The following SCN1A variants were observed in gnomAD, a reference collection of about 807,000 sequenced individuals.
SCN1A encodes the protein sodium voltage-gated channel alpha subunit 1.
A neutral mutation model predicts 193.7 loss-of-function variants in SCN1A; 13 were observed. The ratio of observed to expected loss-of-function variants is 0.07; its 90% CI spans 0.04 to 0.11. SCN1A has a LOEUF of 0.11. Among genes scored for constraint, SCN1A ranks in the 10% least tolerant of loss-of-function variants. SCN1A has a pLI of 1.00. For missense variants in SCN1A, 1,432 were observed against 2,451.1 expected (o/e 0.58, Z 8.78); for synonymous variants, 781 against 843.6 (o/e 0.93, Z 1.29).
At position 166,048,911 on chromosome 2, in the gene SCN1A, G is replaced by C; in HGVS notation, c.1003C>G (p.Leu335Val). The part of the protein sequence containing the change: ...YFLEGFLDAL[L>V]CGNSSDAGQC... The stretch of plus-strand genomic sequence containing the variant: ...CCTGCATCAGAGCTATTTCCACATA[G>C]TAGTGCATCTAAAAAACCCTCCAGG... The change falls in exon 10 of 29, where the codon CTA becomes GTA. Residue 335 changes from leucine to valine, a missense_variant. Leu to Val is a conservative substitution (Grantham distance 32). Coordinates refer to ENST00000674923, the MANE Select transcript of SCN1A (RefSeq NM_001165963.4). 2 of 1,606,360 alleles carry C rather than the reference G, an allele frequency of 1.2e-6. No individual in the cohort carries two copies. The highest frequency in any genetic ancestry group is 1.7e-6 in the Non-Finnish European group (2 of 1,173,640).
intron 12 of SCN1A, among the ~76,000 whole-genome samples, chr2:166,046,080 C>T (rs895132963): frequency 6.6e-5 from 10 of 152,088 alleles, no homozygotes; most frequent in African/African-American, 2.4e-4. Flanking sequence ...ATTAATTACT[C>T]TTGCATATAA....
intron 25 of SCN1A, 134 bp downstream of exon 25, chr2:165,999,589 T>C (rs1690547331): frequency 2.8e-6 from 2 of 716,850 alleles, no homozygotes; most frequent in Non-Finnish European, 5.0e-6. Context: ...TGCTTGAATA[T>C]TTACCTGTCA....
chr2:166,023,062 A>C (rs539574122), intron 19 of SCN1A, among the ~76,000 whole-genome samples: 4 of 152,222 alleles, frequency 2.6e-5, no homozygotes, highest in Non-Finnish European at 4.4e-5. Flanking sequence ...GCTCTTTTTA[A>C]ATTCAACATG....
Position 166,015,738 on chromosome 2 carries a change from G to A in SCN1A, c.3430-11C>T. On this transcript the variant is annotated splice_polypyrimidine_tract_variant and intron_variant, in intron 19 of 28. Coordinates refer to ENST00000674923, the MANE Select transcript of SCN1A (RefSeq NM_001165963.4). ...GCTTTCATTCAGTTTCTGTAAGTGAGATGGACATAGAAAGTAAAGTCCTTT... is the reference window on the plus strand; with the variant it reads ...GCTTTCATTCAGTTTCTGTAAGTGAAATGGACATAGAAAGTAAAGTCCTTT... 1 of 1,612,370 alleles carries A rather than the reference G, an allele frequency of 6.2e-7. No individual in the cohort carries two copies. Among genetic ancestry groups the A allele is most frequent in the Non-Finnish European group, 8.5e-7 (1 of 1,178,640 alleles).
At chr2:166,030,360 A>G (rs1270389845) in intron 19 of SCN1A, among the ~76,000 whole-genome samples, 1 of 151,614 alleles carries the variant, frequency 6.6e-6, no homozygotes, top group Non-Finnish European at 1.5e-5. Context: ...TACTTTGTCC[A>G]TGGTGAACAT....
At chr2:166,146,033 A>C (rs976889500) in intron 1 of SCN1A, among the ~76,000 whole-genome samples, 10 of 152,314 alleles carry the variant, frequency 6.6e-5, no homozygotes, top group African/African-American at 2.4e-4. Context: ...AATTTATTAA[A>C]TTGAAAAGGT....
intron 19 of SCN1A, among the ~76,000 whole-genome samples, chr2:166,034,299 TGGA>T (rs1426612534): frequency 6.6e-6 from 1 of 152,156 alleles, no homozygotes; most frequent in Non-Finnish European, 1.5e-5. Context: ...CTCCTAAAAG[TGGA>T]GGCTGACCTA....
chr2:166,039,333 TG>T lies in SCN1A; in HGVS notation c.2589+89del, dbSNP rs1053985975. ...CAGAAAAACTTACAATGCTAATGGT[TG>T]TGTGGCAAAAAAACTATGACATTGC... On this transcript the variant is annotated intron_variant, in intron 17 of 28. Coordinates refer to ENST00000674923, the MANE Select transcript of SCN1A (RefSeq NM_001165963.4). 4 of 1,321,836 alleles carry T rather than the reference TG, an allele frequency of 3.0e-6. No individual in the cohort carries two copies. The African/African-American group carries it at 5.9e-5, about 19-fold the overall frequency. 81.9% of individuals were successfully genotyped at this position (1,321,836 alleles called of 1,614,324 possible).
rs1464119764 is a variant in SCN1A at position 165,991,011 on chromosome 2, A to G, written c.*234T>C. 2 of 516,396 alleles carry G rather than the reference A, an allele frequency of 3.9e-6. No homozygotes were observed. The highest frequency in any genetic ancestry group is 3.8e-5 in the African/African-American group (2 of 52,174). The allele number at this position is 516,396 out of a possible 1,614,324, so 32.0% of individuals were successfully genotyped here. ...AGCCATTGTGCATCTTATCTTCAGCAGTGTCAGCTGGTAGTGAGAACAGTA... is the reference window on the plus strand; with the variant it reads ...AGCCATTGTGCATCTTATCTTCAGCGGTGTCAGCTGGTAGTGAGAACAGTA... On this transcript the variant is annotated 3_prime_UTR_variant, in exon 29 of 29. Coordinates refer to ENST00000674923, the MANE Select transcript of SCN1A (RefSeq NM_001165963.4).
intron 19 of SCN1A, among the ~76,000 whole-genome samples, chr2:166,025,308 A>G (rs1694614594): frequency 2.6e-5 from 4 of 152,078 alleles, no homozygotes; most frequent in South Asian, 2.1e-4. Context: ...TGGGCTTCCT[A>G]CTTTCCTGCC....
rs1573984593 is a variant in SCN1A at position 165,998,136 on chromosome 2, A to C, written c.4378T>G (p.Tyr1460Asp). 6.2e-7 allele frequency: 1 copy of C among 1,606,054 alleles called. No homozygotes were observed. The highest frequency in any genetic ancestry group is 2.2e-5 in the East Asian group (1 of 44,566). The stretch of plus-strand genomic sequence containing the variant: ...ATGATGAAAATAACAAAGTAAAGAT[A>C]CATGTACAGACTTTCTTCATACTTA... ...QPKYEESLYMYLYFVIFIIFG... is the reference protein window; with the variant it reads ...QPKYEESLYMDLYFVIFIIFG... Residue 1460 changes from tyrosine (Y) to aspartate (D), a missense_variant, in exon 26 of 29, where the codon TAT (tyrosine) becomes GAT (aspartate). Tyr to Asp is a radical substitution (Grantham distance 160, BLOSUM62 -3). Around this residue, in one of 18 missense-constraint regions of SCN1A, gnomAD observed 23 missense variants for 56.4 expected, o/e 0.41. Transcript: ENST00000674923.
At position 165,996,091 on chromosome 2, in the gene SCN1A, T is replaced by G. The variant is rs1326158259; in HGVS notation, c.4503A>C (p.Thr1501=). The G allele has an allele frequency of 5.0e-6, 8 of 1,608,242 alleles. No homozygotes were observed. In the African/African-American group the frequency reaches 1.1e-4, roughly 22 times the overall value. Residue 1501 remains threonine, a synonymous_variant, in exon 27 of 29, where the codon ACA becomes ACC. Transcript: ENST00000674923. ...KKFGGQDIFM[T]EEQKKYYNAM... Reference sequence around the variant, plus strand: ...CATTATAGTATTTCTTCTGTTCTTCTGTCATAAAGATGTCTTGACCTCCAA... The same window carrying G: ...CATTATAGTATTTCTTCTGTTCTTCGGTCATAAAGATGTCTTGACCTCCAA...
At chr2:166,055,690 A>G (rs954467031) in intron 6 of SCN1A, among the ~76,000 whole-genome samples, 5 of 152,004 alleles carry the variant, frequency 3.3e-5, no homozygotes, top group Non-Finnish European at 7.4e-5. Context: ...CTGTATAGTA[A>G]CAGGCATTAC....
At chr2:166,117,543 G>T (rs1689999352) in intron 2 of SCN1A, among the ~76,000 whole-genome samples, 1 of 152,014 alleles carries the variant, frequency 6.6e-6, no homozygotes, top group Non-Finnish European at 1.5e-5. Context: ...TAAGGCTAGG[G>T]GTTTCATTGT....
At chr2:166,113,073 T>G (rs1375057103) in intron 2 of SCN1A, among the ~76,000 whole-genome samples, 1 of 152,172 alleles carries the variant, frequency 6.6e-6, no homozygotes, top group Non-Finnish European at 1.5e-5. Flanking sequence ...GGCCTGGGTC[T>G]TGCAACTGAT....
At chr2:166,006,068 C>T (rs1691610547) in intron 23 of SCN1A, among the ~76,000 whole-genome samples, 1 of 151,250 alleles carries the variant, frequency 6.6e-6, no homozygotes, top group Admixed American at 6.6e-5. Flanking sequence ...AATTTTCATA[C>T]ATGCAGAAAT....
intron 22 of SCN1A, among the ~76,000 whole-genome samples, chr2:166,011,435 T>C: frequency 6.6e-6 from 1 of 151,156 alleles, no homozygotes; most frequent in Admixed American, 6.6e-5. Flanking sequence ...TCATTGGGGA[T>C]ACAAATTCTA....
In SCN1A at chr2:166,012,467, T is replaced by TAATA. The variant is rs569937517; in HGVS notation, c.3706-186_3706-185insTATT. 4.6e-5 allele frequency among the ~76,000 whole-genome samples: 7 copies of TAATA among 151,134 alleles called. No homozygotes were observed. In the South Asian group the frequency reaches 1.5e-3, roughly 31 times the overall value. On this transcript the variant is annotated intron_variant, in intron 21 of 28. Coordinates refer to ENST00000674923, the MANE Select transcript of SCN1A (RefSeq NM_001165963.4). ...CTTATTTAATCAGGGGAAAGACTAT[T>TAATA]GGTGGAAGAAAAAGAAAAGTATGAT...
At chr2:166,054,901 A>G in intron 6 of SCN1A, 135 bp from the exon 7 acceptor site, 1 of 779,450 alleles carries the variant, frequency 1.3e-6, no homozygotes, top group Non-Finnish European at 2.0e-6. Context: ...ATTTCATACA[A>G]ATGAAACGTA....
Sources: allele counts gnomAD v4.1 joint callset (sites outside exome capture counted in the v4.1 genomes callset), GRCh38; gene constraint gnomAD v4.1.1; regional missense constraint gnomAD v4.1.1; transcripts MANE v1.5; gene names NCBI Gene and HGNC (gene_info 2026-07-23, HGNC 2026-07-21).